TTC34: variants seen among roughly 807,000 people sequenced by gnomAD.
TTC34 encodes tetratricopeptide repeat domain 34.
A neutral mutation model predicts 40.7 loss-of-function variants in TTC34; 44 were observed. The ratio of observed to expected loss-of-function variants is 1.08; its 90% confidence interval spans 0.85 to 1.39. TTC34 has a LOEUF of 1.39. Among genes scored for constraint, TTC34 ranks in the 40% most tolerant of loss-of-function variants. The pLI, the probability that TTC34 is intolerant of heterozygous loss-of-function variation, is 0.00. For missense variants in TTC34, 884 were observed against 838.0 expected (o/e 1.05, Z -0.68); for synonymous variants, 422 against 398.6 (o/e 1.06, Z -0.70).
chr1:2,645,994 A>G lies in TTC34; in HGVS notation c.2227-431T>C, dbSNP rs1238042943. Among the ~76,000 whole-genome samples the G allele has an allele frequency of 6.6e-6, 1 of 151,856 alleles. No individual in the cohort carries two copies. Among genetic ancestry groups the G allele is most frequent in the Non-Finnish European group, 1.5e-5 (1 of 67,960 alleles). ...TGGGGGACGCTGGAGCTCCTTGGGT[A>G]TCCGGGTGCTGCTCCCAGTGCCTGT... On this transcript the variant is annotated intron_variant, in intron 6 of 8. Coordinates refer to ENST00000401095, the Ensembl canonical transcript of TTC34. The surrounding 1 kb of genome is among the most constrained non-coding windows in gnomAD (Gnocchi z 4.7).
chr1:2,647,923 A>G (rs1041387534), intron 6 of TTC34, among the ~76,000 whole-genome samples: 5 of 151,578 alleles, frequency 3.3e-5, no homozygotes, highest in South Asian at 2.1e-4. Flanking sequence ...GCAGTTTCCA[A>G]TCTGCTGTTG....
At chr1:2,778,352 C>G (rs558707097) in intron 6 of TTC34, among the ~76,000 whole-genome samples, 1 of 152,354 alleles carries the variant, frequency 6.6e-6, no homozygotes, top group South Asian at 2.1e-4. Flanking sequence ...GCAGCCCCCA[C>G]AGAGAAAGTG....
chr1:2,651,986 C>A, intron 6 of TTC34, among the ~76,000 whole-genome samples: 1 of 150,070 alleles, frequency 6.7e-6, no homozygotes. Flanking sequence ...ATCTGATGGT[C>A]TGGAGCAGCA....
intron 1 of TTC34, among the ~76,000 whole-genome samples, chr1:2,801,273 C>T (rs372610371): frequency 5.9e-5 from 9 of 152,092 alleles, no homozygotes; most frequent in Admixed American, 1.3e-4. Context: ...GCACACCCCC[C>T]GTCAGTCCAG....
chr1:2,755,604 C>G (rs1641477424), intron 6 of TTC34, among the ~76,000 whole-genome samples: 1 of 124,208 alleles, frequency 8.1e-6, no homozygotes, highest in Non-Finnish European at 1.6e-5. Flanking sequence ...CATCCGACAG[C>G]CTGGAGCAGC....
chr1:2,799,828 C>T (rs561628306), intron 2 of TTC34, among the ~76,000 whole-genome samples: 15 of 152,312 alleles, frequency 9.8e-5, no homozygotes, highest in African/African-American at 2.6e-4. Context: ...CCCTGATCAC[C>T]GGCTGGAGCA....
In TTC34 at chr1:2,677,051, CCCAA is replaced by C. The variant is rs1639932042; in HGVS notation, c.2227-31492_2227-31489del. 1.6e-4 allele frequency among the ~76,000 whole-genome samples: 16 copies of C among 99,002 alleles called. No individual in the cohort carries two copies. In the East Asian group the frequency reaches 2.0e-3, roughly 12 times the overall value. 64.9% of individuals were successfully genotyped at this position (99,002 alleles called of 152,430 possible). ...GATAACCTGGAGCAGCACCCACAAC[CCCAA>C]GTGAGCATCTGATTGTCTGGAGCAG... On this transcript the variant is annotated intron_variant, in intron 6 of 8. Coordinates refer to ENST00000401095, the Ensembl canonical transcript of TTC34.
rs1193700225 is a variant in TTC34, at chr1:2,691,714, GC to G, written c.2227-46152del. Among the ~76,000 whole-genome samples, 3 of 96,436 alleles carry G rather than the reference GC, an allele frequency of 3.1e-5. 1 individual carries two copies. The East Asian group carries it at 8.2e-4, about 26-fold the overall frequency. The allele number at this position is 96,436 out of a possible 152,430, so 63.3% of individuals were successfully genotyped here. A position where few individuals can be genotyped will look rare whatever the true frequency, so the allele number is the denominator to read the frequency against. On this transcript the variant is annotated intron_variant, in intron 6 of 8. Transcript: ENST00000401095. ...CAACAGCACCCACATCCCCAGGTGA[GC>G]ATTGGACAGCCTGGAGCAGCACCCA...
At chr1:2,651,453 G>A (rs1639131327) in intron 6 of TTC34, among the ~76,000 whole-genome samples, 2 of 151,872 alleles carry the variant, frequency 1.3e-5, no homozygotes, top group Admixed American at 6.6e-5. Flanking sequence ...GTAAGCATCT[G>A]ACAGCCAAGG....
chr1:2,699,559 G>A (rs1420971496), intron 6 of TTC34, among the ~76,000 whole-genome samples: 4 of 140,328 alleles, frequency 2.9e-5, no homozygotes, highest in East Asian at 2.2e-4. Context: ...TGACAGCCTG[G>A]AGCAGCACCC....
intron 6 of TTC34, among the ~76,000 whole-genome samples, chr1:2,758,520 C>G (rs1178218781): frequency 1.2e-5 from 1 of 85,140 alleles, no homozygotes; most frequent in East Asian, 3.4e-4. Flanking sequence ...CCCACACCCC[C>G]AGGTGAGCAT....
At chr1:2,644,422 A>G in exon 8 of TTC34, 3 of 1,535,930 alleles carry the variant, frequency 2.0e-6, no homozygotes, top group Non-Finnish European at 2.6e-6. Context: ...GCTGCCTCTG[A>G]CGTTGGGGCA....
chr1:2,691,155 C>T (rs1162275516), intron 6 of TTC34, among the ~76,000 whole-genome samples: 5 of 59,782 alleles, frequency 8.4e-5, no homozygotes, highest in East Asian at 4.2e-4. Flanking sequence ...AGGGGAGTAT[C>T]TGACAGACTG....
intron 6 of TTC34, chr1:2,775,279 G>A (rs1643006120): frequency 1.3e-5 from 2 of 151,106 alleles, no homozygotes; most frequent in South Asian, 4.2e-4. Context: ...ATCCAGGTGA[G>A]CATCCGACAG....
intron 6 of TTC34, among the ~76,000 whole-genome samples, chr1:2,781,187 A>C (rs567793253): frequency 6.6e-6 from 1 of 152,226 alleles, no homozygotes; most frequent in African/African-American, 2.4e-5. Context: ...CAGAGGGCCA[A>C]CTTTTCATAT....
chr1:2,682,090 T>C (rs1305974773), intron 6 of TTC34, among the ~76,000 whole-genome samples: 5 of 134,496 alleles, frequency 3.7e-5, no homozygotes, highest in African/African-American at 1.1e-4. Flanking sequence ...TCTGACAGCC[T>C]GGAGCAGCAC....
chr1:2,759,949 A>ACCCTCACACCC (rs1641640271), intron 6 of TTC34, among the ~76,000 whole-genome samples: 3 of 130,548 alleles, frequency 2.3e-5, no homozygotes, highest in Non-Finnish European at 4.9e-5. Flanking sequence ...ACAGCCTGGA[A>ACCCTCACACCC]AGGCACCCAC....
At chr1:2,700,063 G>T (rs1461195946) in intron 6 of TTC34, among the ~76,000 whole-genome samples, 2 of 122,452 alleles carry the variant, frequency 1.6e-5, no homozygotes, top group African/African-American at 5.3e-5. Flanking sequence ...CCAGAGGTGA[G>T]CATATGACCA....
intron 6 of TTC34, among the ~76,000 whole-genome samples, chr1:2,768,280 G>A (rs1440854993): frequency 6.6e-5 from 10 of 152,104 alleles, no homozygotes; most frequent in Non-Finnish European, 1.3e-4. Flanking sequence ...GGGATGGAAG[G>A]TGCCATTGTA....
Sources: allele counts gnomAD v4.1 joint callset (sites outside exome capture counted in the v4.1 genomes callset), GRCh38; gene constraint gnomAD v4.1.1; non-coding constraint Gnocchi (gnomAD v3.1); transcripts MANE v1.5; gene names NCBI Gene and HGNC (gene_info 2026-07-23, HGNC 2026-07-21).